Variants in DMTN observed in about 807,000 individuals in gnomAD.
DMTN encodes the protein dematin.
In DMTN, 27 loss-of-function variants were observed where a neutral mutation model predicts 59.4. That is an observed-to-expected ratio of 0.45 (90% confidence interval 0.33 to 0.63). The LOEUF (loss-of-function observed/expected upper bound fraction) is 0.63, where lower values mean the gene tolerates loss of function less well. DMTN is among the 20% of genes least tolerant of loss of function. The pLI, the probability that DMTN is intolerant of heterozygous loss-of-function variation, is 0.02. For missense variants in DMTN, 451 were observed against 528.9 expected (o/e 0.85, Z 1.45); for synonymous variants, 221 against 203.7 (o/e 1.08, Z -0.72).
chr8:22,069,356 T>C (rs1813348065), intron 5 of DMTN, 63 bp from the exon 6 acceptor site: 1 of 1,386,304 alleles, frequency 7.2e-7, no homozygotes, highest in Admixed American at 2.0e-5. Context: ...TGTGAGCTGA[T>C]GGGGTGCATG....
At chr8:22,061,752 T>G (rs893920100) in intron 1 of DMTN, among the ~76,000 whole-genome samples, 1 of 143,894 alleles carries the variant, frequency 6.9e-6, no homozygotes, top group Non-Finnish European at 1.5e-5. Context: ...AATTCTCATT[T>G]TTTTTTTTTT....
intron 4 of DMTN, among the ~76,000 whole-genome samples, chr8:22,068,427 A>G (rs6557767): frequency 0.98 from 149,036 of 152,242 alleles, 73,025 homozygotes; most frequent in South Asian, 1. Flanking sequence ...AATTAGCAAG[A>G]TGTGGTGCTG....
chr8:22,072,480 C>G, intron 9 of DMTN, 30 bp downstream of exon 9: 1 of 1,533,726 alleles, frequency 6.5e-7, no homozygotes, highest in Non-Finnish European at 8.8e-7. Context: ...ACCCTCCACC[C>G]CTGTGCAGGA....
At chr8:22,061,361 G>A (rs890562479) in intron 1 of DMTN, among the ~76,000 whole-genome samples, 33 of 152,042 alleles carry the variant, frequency 2.2e-4, no homozygotes, top group African/African-American at 7.3e-4. Context: ...TAACACAGAC[G>A]TTCTATAAAT....
intron 10 of DMTN, among the ~76,000 whole-genome samples, chr8:22,075,539 T>TTTTTTTTG (rs10669729): frequency 1.4e-5 from 2 of 147,538 alleles, no homozygotes; most frequent in African/African-American, 5.0e-5. Context: ...TTTTTTTTTT[T>TTTTTTTTG]AGACAGAGTC....
At chr8:22,050,607 T>G (rs974969270), upstream of DMTN, among the ~76,000 whole-genome samples, 1 of 151,242 alleles carries the variant, frequency 6.6e-6, no homozygotes, top group Non-Finnish European at 1.5e-5. Context: ...CACTGTTTTC[T>G]TTCTTGCTTT....
chr8:22,062,652 C>T (rs1807458485), intron 1 of DMTN, among the ~76,000 whole-genome samples: 2 of 152,028 alleles, frequency 1.3e-5, no homozygotes, highest in African/African-American at 2.4e-5. Flanking sequence ...CTGGCTGTAC[C>T]ACCTGGCCAG....
At chr8:22,068,038 A>T (rs1490014216) in intron 4 of DMTN, among the ~76,000 whole-genome samples, 3 of 152,196 alleles carry the variant, frequency 2.0e-5, no homozygotes, top group Non-Finnish European at 2.9e-5. Flanking sequence ...CCCTCGTGTA[A>T]AATAGAGGTG....
chr8:22,073,482 C>G (rs1362899544), intron 9 of DMTN, among the ~76,000 whole-genome samples: 3 of 151,214 alleles, frequency 2.0e-5, no homozygotes, highest in Admixed American at 6.6e-5. Flanking sequence ...AAACAATTAG[C>G]TAGCTGGGTG....
intron 10 of DMTN, among the ~76,000 whole-genome samples, chr8:22,076,157 CAT>C (rs1178294457): frequency 6.6e-6 from 1 of 152,076 alleles, no homozygotes; most frequent in Admixed American, 6.6e-5. Flanking sequence ...TGGTTTTGGA[CAT>C]GTGGGGTTTG....
At chr8:22,064,470 T>A (rs2130774745) in intron 1 of DMTN, among the ~76,000 whole-genome samples, 1 of 152,324 alleles carries the variant, frequency 6.6e-6, no homozygotes, top group East Asian at 1.9e-4. Context: ...AGAGGTTTTT[T>A]TTTTTTGAGA....
upstream of DMTN, among the ~76,000 whole-genome samples, chr8:22,050,802 G>A (rs1163330255): frequency 6.6e-6 from 1 of 151,678 alleles, no homozygotes; most frequent in African/African-American, 2.4e-5. Flanking sequence ...GCTGGTCTCT[G>A]ACTGAGCCTT....
chr8:22,065,372 C>A (rs1809722704), intron 1 of DMTN, among the ~76,000 whole-genome samples: 2 of 152,298 alleles, frequency 1.3e-5, no homozygotes, highest in Admixed American at 1.3e-4. Flanking sequence ...TCCCTGTAAT[C>A]AAGTGCTTAG....
At position 22,072,985 on chromosome 8, in the gene DMTN, C is replaced by G. The variant is rs563579112; in HGVS notation, c.729+535C>G. Among the ~76,000 whole-genome samples, 32 of 152,220 alleles carry G rather than the reference C, an allele frequency of 2.1e-4. 1 individual carries two copies. The South Asian group carries it at 3.5e-3, about 17-fold the overall frequency. ...GTCAAAAGCACAGAAAAGGGTGGTC[C>G]CATCAGAGCTGGGAGCTAGCAGCCT... On this transcript the variant is annotated intron_variant, in intron 9 of 15. Coordinates refer to ENST00000358242, the MANE Select transcript of DMTN (RefSeq NM_001387751.1).
In DMTN at chr8:22,081,873, G is replaced by GA; in HGVS notation, c.*410_*411insA. On this transcript the variant is annotated 3_prime_UTR_variant, in exon 16 of 16. Coordinates refer to ENST00000358242, the MANE Select transcript of DMTN (RefSeq NM_001387751.1). ...AGAAAGAGCTCCAGGCTCTTGTGTC[G>GA]CCCACCCAGCCCTCCCATACTCACT... The GA allele has an allele frequency of 8.7e-6, 4 of 460,764 alleles. No individual in the cohort carries two copies. Among genetic ancestry groups the GA allele is most frequent in the Non-Finnish European group, 1.3e-5 (3 of 230,124 alleles). The allele number at this position is 460,764 out of a possible 1,614,324, so 28.5% of individuals were successfully genotyped here.
chr8:22,067,452 TA>T, intron 3 of DMTN, 74 bp from the exon 4 acceptor site: 1 of 1,569,960 alleles, frequency 6.4e-7, no homozygotes, highest in Middle Eastern at 1.7e-4. Flanking sequence ...GTAATTGACG[TA>T]AGTCTAGCTA....
intron 1 of DMTN, among the ~76,000 whole-genome samples, chr8:22,061,218 G>T (rs573620460): frequency 6.6e-6 from 1 of 151,496 alleles, no homozygotes; most frequent in South Asian, 2.1e-4. Context: ...GGGAGGTCAA[G>T]GCTGCAGTGA....
At chr8:22,067,483 C>T (rs1488944383) in intron 3 of DMTN, 44 bp from the exon 4 acceptor site, 7 of 1,610,356 alleles carry the variant, frequency 4.3e-6, no homozygotes, top group East Asian at 4.5e-5. Flanking sequence ...GTGTCCTAGG[C>T]GGGGCTTTCG....
chr8:22,058,726 C>G lies in DMTN; in HGVS notation c.-172+1590C>G, dbSNP rs537441986. On this transcript the variant is annotated intron_variant, in intron 1 of 15. Coordinates refer to ENST00000358242, the MANE Select transcript of DMTN (RefSeq NM_001387751.1). The surrounding 1 kb of genome is among the most constrained non-coding windows in gnomAD (Gnocchi z 4.3). ...CCTGTAGTGCTGGGTTAGGGGAACC[C>G]TCATCCCAGCAGACACAACGGTAAA... Among the ~76,000 whole-genome samples, 2 of 152,098 alleles carry G rather than the reference C, an allele frequency of 1.3e-5. No individual in the cohort carries two copies. The highest frequency in any genetic ancestry group is 4.8e-5 in the African/African-American group (2 of 41,440).
Sources: gnomAD v4.1 joint callset for allele counts (sites outside exome capture counted in the v4.1 genomes callset) on GRCh38, gnomAD v4.1.1 for gene constraint, Gnocchi (gnomAD v3.1) non-coding constraint, MANE v1.5 for transcripts, NCBI Gene and HGNC (gene_info 2026-07-23, HGNC 2026-07-21) for gene names.